ZDHHC11: variants seen among roughly 807,000 people sequenced by gnomAD.
ZDHHC11 encodes palmitoyltransferase ZDHHC11.
ZDHHC11 carries 44 observed loss-of-function variants against 51.3 expected under a neutral mutation model. That is an observed-to-expected ratio of 0.86 (90% CI 0.67 to 1.10). The LOEUF (loss-of-function observed/expected upper bound fraction) is 1.10, where lower values mean the gene tolerates loss of function less well. Ranked by LOEUF, ZDHHC11 falls within the 50% of genes least tolerant of loss-of-function variation. The probability of loss-of-function intolerance (pLI) is 0.00; values close to 1 mark genes in which losing one functional copy is unlikely to be tolerated. For synonymous variants in ZDHHC11, 163 were observed against 222.0 expected, an observed-to-expected ratio of 0.73 and a Z score of 2.36; for missense variants, 400 against 537.7, an observed-to-expected ratio of 0.74 and a Z score of 2.53.
intron 3 of ZDHHC11, among the ~76,000 whole-genome samples, chr5:845,367 G>A (rs1745968953): frequency 2.0e-5 from 3 of 152,242 alleles, no homozygotes; most frequent in Non-Finnish European, 4.4e-5. Context: ...AAAGAAGGCG[G>A]GTCTCTAAGA....
intron 6 of ZDHHC11, among the ~76,000 whole-genome samples, chr5:834,990 T>G (rs569743141): frequency 6.6e-6 from 1 of 151,972 alleles, no homozygotes; most frequent in Non-Finnish European, 1.5e-5. Context: ...TTCTTAATGG[T>G]GACTTTTGAA....
In ZDHHC11 at chr5:836,898, A is replaced by G. The variant is rs1257158109; in HGVS notation, c.900+467T>C. On this transcript the variant is annotated intron_variant, in intron 6 of 12. Coordinates refer to ENST00000283441, the MANE Select transcript of ZDHHC11 (RefSeq NM_024786.3). ...GTGTTAAAACCACATCTCTACTAAA[A>G]ATACAAAAATTAGTCGGGCGTAGTG... 2.0e-5 allele frequency among the ~76,000 whole-genome samples: 3 copies of G among 149,248 alleles called. 1 individual carries two copies. Among genetic ancestry groups the G allele is most frequent in the Non-Finnish European group, 3.0e-5 (2 of 67,002 alleles).
intron 8 of ZDHHC11, among the ~76,000 whole-genome samples, chr5:824,297 G>GAAATAAA (rs151045780): frequency 0.25 from 37,322 of 150,194 alleles, 7,452 homozygotes; most frequent in African/African-American, 0.56. Context: ...CATCTCTTAA[G>GAAATAAA]AAATAAAAAA....
At chr5:844,992 T>C (rs537378868) in intron 3 of ZDHHC11, among the ~76,000 whole-genome samples, 72 of 152,376 alleles carry the variant, frequency 4.7e-4, no homozygotes, top group African/African-American at 1.7e-3. Context: ...TTCCATTGTA[T>C]TATGTTCACC....
intron 6 of ZDHHC11, among the ~76,000 whole-genome samples, chr5:834,063 G>A (rs56989839): frequency 9.4e-4 from 141 of 149,854 alleles, no homozygotes; most frequent in African/African-American, 3.4e-3. Flanking sequence ...GCTTTCCAGT[G>A]TGGTGGCACT....
At chr5:828,486 C>A (rs988302549) in intron 7 of ZDHHC11, among the ~76,000 whole-genome samples, 4 of 151,310 alleles carry the variant, frequency 2.6e-5, no homozygotes, top group Non-Finnish European at 4.4e-5. Flanking sequence ...GGACGGGGGA[C>A]CTGCCAAATT....
At chr5:817,193 T>G (rs1399635736) in intron 10 of ZDHHC11, among the ~76,000 whole-genome samples, 2 of 151,576 alleles carry the variant, frequency 1.3e-5, no homozygotes, top group Non-Finnish European at 3.0e-5. Flanking sequence ...TGTGGCCACC[T>G]CGGTATGCTG....
In ZDHHC11 at chr5:825,101, C is replaced by T. The variant is rs369780280; in HGVS notation, c.1023+63G>A. ...TGCCTTAACCTCAGCTTGGGGGACCCGAGACCACATATTCTGCACACGGCC... is the reference window on the plus strand; with the variant it reads ...TGCCTTAACCTCAGCTTGGGGGACCTGAGACCACATATTCTGCACACGGCC... On this transcript the variant is annotated intron_variant, in intron 8 of 12. Transcript: ENST00000283441. 9.8e-5 allele frequency: 150 copies of T among 1,528,826 alleles called. 1 individual carries two copies. Among genetic ancestry groups the T allele is most frequent in the East Asian group, 7.2e-4 (32 of 44,570 alleles). The allele number at this position is 1,528,826 out of a possible 1,614,324, so 94.7% of individuals were successfully genotyped here.
At chr5:802,492 T>TTGTAAAAGTGTGTAAGTATGTA (rs1418953204) in intron 11 of ZDHHC11, among the ~76,000 whole-genome samples, 8 of 143,982 alleles carry the variant, frequency 5.6e-5, no homozygotes, top group African/African-American at 2.2e-4. Flanking sequence ...GATAATTGTG[T>TTGTAAAAGTGTGTAAGTATGTA]TGTAAAAGTG....
At chr5:817,107 C>G (rs1272232504) in intron 10 of ZDHHC11, 1 of 162,852 alleles carries the variant, frequency 6.1e-6, no homozygotes, top group Non-Finnish European at 1.4e-5. Context: ...CATGTTTTGT[C>G]CTGAAATTTT....
upstream of ZDHHC11, among the ~76,000 whole-genome samples, chr5:855,253 G>GCAC: frequency 6.9e-6 from 1 of 144,874 alleles, no homozygotes. Flanking sequence ...GAGCCGGGGG[G>GCAC]AGAGACACCA....
At chr5:808,948 C>G (rs375190810) in intron 11 of ZDHHC11, among the ~76,000 whole-genome samples, 3 of 150,456 alleles carry the variant, frequency 2.0e-5, no homozygotes, top group Non-Finnish European at 4.4e-5. Flanking sequence ...TCTGCTGTCT[C>G]GGCCTCCCCA....
At chr5:812,433 T>G (rs993628453) in intron 11 of ZDHHC11, among the ~76,000 whole-genome samples, 2 of 151,676 alleles carry the variant, frequency 1.3e-5, no homozygotes, top group Non-Finnish European at 2.9e-5. Flanking sequence ...AAAAGCTAAT[T>G]CATACAAGAG....
At chr5:850,036 G>A (rs1054694934) in intron 1 of ZDHHC11, among the ~76,000 whole-genome samples, 3 of 152,232 alleles carry the variant, frequency 2.0e-5, no homozygotes, top group Non-Finnish European at 4.4e-5. Context: ...TGGCACCAGG[G>A]GCAAGGAGAA....
rs555944697 is a variant in ZDHHC11, at chr5:819,438, T to C, written c.1146+87A>G. On this transcript the variant is annotated intron_variant, in intron 10 of 12. Transcript: ENST00000283441. Reference sequence around the variant, plus strand: ...CACAGAGTGCTTCCCTTTTGAATACTACCTTAACCTCAGCTTGGGGGACCT... The same window carrying C: ...CACAGAGTGCTTCCCTTTTGAATACCACCTTAACCTCAGCTTGGGGGACCT... 38 of 1,422,674 alleles carry C rather than the reference T, an allele frequency of 2.7e-5. 2 individuals are homozygous for C. In the African/African-American group the frequency reaches 4.3e-4, roughly 16 times the overall value. 88.1% of individuals were successfully genotyped at this position (1,422,674 alleles called of 1,614,324 possible). A position where few individuals can be genotyped will look rare whatever the true frequency, so the allele number is the denominator to read the frequency against.
chr5:818,518 C>T (rs1183642392), intron 10 of ZDHHC11, among the ~76,000 whole-genome samples: 1 of 151,634 alleles, frequency 6.6e-6, no homozygotes, highest in African/African-American at 2.4e-5. Flanking sequence ...AAGGAGAAGA[C>T]ACCTGTAACC....
chr5:853,201 A>G (rs1258752739), upstream of ZDHHC11, among the ~76,000 whole-genome samples: 57 of 120,710 alleles, frequency 4.7e-4, no homozygotes, highest in African/African-American at 1.8e-3. Context: ...GGGGGCAGAG[A>G]CTCCACAGAG....
rs575604089 is a variant in ZDHHC11 at position 800,631 on chromosome 5, G to A, written c.*7+469C>T. On this transcript the variant is annotated intron_variant, in intron 12 of 12. Coordinates refer to ENST00000283441, the MANE Select transcript of ZDHHC11 (RefSeq NM_024786.3). ...TGAGTAAACTTTCCCCCTGATTCTG[G>A]AAGTAAATGATCATTTGTTTCACGG... Among the ~76,000 whole-genome samples the A allele has an allele frequency of 8.6e-5, 13 of 151,472 alleles. No individual in the cohort carries two copies. The East Asian group carries it at 1.4e-3, about 16-fold the overall frequency.
upstream of ZDHHC11, among the ~76,000 whole-genome samples, chr5:853,515 A>C (rs1287800067): frequency 8.5e-6 from 1 of 118,192 alleles, no homozygotes; most frequent in African/African-American, 3.3e-5. Context: ...CGAGCTGGGG[A>C]GACAGATCCC....
Sources: gnomAD v4.1 joint callset for allele counts (sites outside exome capture counted in the v4.1 genomes callset) on GRCh38, gnomAD v4.1.1 for gene constraint, MANE v1.5 for transcripts, NCBI Gene and HGNC (gene_info 2026-07-23, HGNC 2026-07-21) for gene names.